The following ZCWPW2 variants were observed in gnomAD, a reference collection of about 807,000 sequenced individuals.
ZCWPW2 encodes the protein zinc finger CW-type PWWP domain protein 2.
Under a neutral mutation model 46.6 loss-of-function variants are expected in ZCWPW2, and 45 were observed. The observed-to-expected ratio is 0.96, with a 90% CI of 0.76 to 1.24. ZCWPW2 has a LOEUF of 1.24. ZCWPW2 is among the 50% of genes most tolerant of loss of function. The probability of loss-of-function intolerance (pLI) is 0.00; values close to 1 mark genes in which losing one functional copy is unlikely to be tolerated. For missense variants in ZCWPW2, 429 were observed against 403.9 expected (o/e 1.06, Z -0.53); for synonymous variants, 152 against 137.1 (o/e 1.11, Z -0.76).
chr3:28,434,865 A>C (rs1252413288), intron 3 of ZCWPW2, among the ~76,000 whole-genome samples: 1 of 152,130 alleles, frequency 6.6e-6, no homozygotes, highest in Admixed American at 6.6e-5. Context: ...TTGCTTTATA[A>C]TTCTTTCCTC....
At chr3:28,384,614 CTTTT>C (rs1172954946) in intron 1 of ZCWPW2, among the ~76,000 whole-genome samples, 2 of 139,394 alleles carry the variant, frequency 1.4e-5, no homozygotes, top group Non-Finnish European at 3.1e-5. Flanking sequence ...ATCTTTCTTT[CTTTT>C]TTTTTTTTTT....
intron 9 of ZCWPW2, among the ~76,000 whole-genome samples, chr3:28,521,991 C>G (rs1700737097): frequency 6.6e-6 from 1 of 152,138 alleles, no homozygotes; most frequent in African/African-American, 2.4e-5. Flanking sequence ...TCACTTACCT[C>G]AGAGGATTGT....
chr3:28,350,296 G>A (rs1308530356), intron 1 of ZCWPW2, among the ~76,000 whole-genome samples: 2 of 152,184 alleles, frequency 1.3e-5, no homozygotes, highest in African/African-American at 4.8e-5. Context: ...ATTTGAAGGT[G>A]TAGAAATATT....
At chr3:28,442,758 C>T (rs997870665) in intron 4 of ZCWPW2, among the ~76,000 whole-genome samples, 3 of 129,300 alleles carry the variant, frequency 2.3e-5, no homozygotes, top group African/African-American at 5.8e-5. Context: ...TTATGATAAT[C>T]CACTCTCCAA....
At chr3:28,487,953 C>G (rs1168787883) in intron 5 of ZCWPW2, among the ~76,000 whole-genome samples, 2 of 152,096 alleles carry the variant, frequency 1.3e-5, no homozygotes, top group Non-Finnish European at 2.9e-5. Flanking sequence ...AGGTTAGGCT[C>G]TGGTAAAATA....
At chr3:28,351,308 C>T (rs936624849) in intron 1 of ZCWPW2, among the ~76,000 whole-genome samples, 2 of 150,362 alleles carry the variant, frequency 1.3e-5, no homozygotes, top group Non-Finnish European at 3.0e-5. Flanking sequence ...TTTTCCACCC[C>T]CTACACCAAT....
intron 4 of ZCWPW2, among the ~76,000 whole-genome samples, chr3:28,471,443 G>T (rs1179755650): frequency 6.6e-6 from 1 of 152,116 alleles, no homozygotes; most frequent in African/African-American, 2.4e-5. Context: ...TGCAGGATTG[G>T]TTCAGCATAC....
chr3:28,513,587 T>G (rs940144251), intron 6 of ZCWPW2, among the ~76,000 whole-genome samples: 1 of 152,114 alleles, frequency 6.6e-6, no homozygotes, highest in Non-Finnish European at 1.5e-5. Flanking sequence ...TCAAAACATG[T>G]CACTTATCTT....
At chr3:28,431,181 A>C (rs571832453) in intron 3 of ZCWPW2, among the ~76,000 whole-genome samples, 8 of 152,044 alleles carry the variant, frequency 5.3e-5, no homozygotes, top group Non-Finnish European at 1.2e-4. Context: ...TTATCTAAAC[A>C]ATTTAGTTTA....
intron 2 of ZCWPW2, among the ~76,000 whole-genome samples, chr3:28,393,292 T>A (rs980397690): frequency 6.6e-6 from 1 of 152,136 alleles, no homozygotes; most frequent in African/African-American, 2.4e-5. Context: ...AGTAAGGAGT[T>A]TGAATCAGTA....
chr3:28,364,889 G>GTT (rs1705072637), intron 1 of ZCWPW2, among the ~76,000 whole-genome samples: 2 of 152,068 alleles, frequency 1.3e-5, no homozygotes, highest in Non-Finnish European at 2.9e-5. Flanking sequence ...TCTCACTGTG[G>GTT]TTTTGATTTG....
At chr3:28,380,101 G>A (rs983429866) in intron 1 of ZCWPW2, among the ~76,000 whole-genome samples, 1 of 151,986 alleles carries the variant, frequency 6.6e-6, no homozygotes, top group Non-Finnish European at 1.5e-5. Flanking sequence ...TCCTGCCTCA[G>A]CCTCCCGAGT....
intron 4 of ZCWPW2, chr3:28,448,051 C>A: frequency 6.0e-6 from 2 of 332,894 alleles, no homozygotes; most frequent in East Asian, 5.1e-5. Context: ...GTTTAAGGTA[C>A]AAACACAGAG....
chr3:28,423,470 C>T (rs1227938189), intron 3 of ZCWPW2, among the ~76,000 whole-genome samples: 1 of 150,908 alleles, frequency 6.6e-6, no homozygotes, highest in Non-Finnish European at 1.5e-5. Flanking sequence ...GGGTTCACGC[C>T]ATTCTCCTGT....
intron 4 of ZCWPW2, among the ~76,000 whole-genome samples, chr3:28,457,424 CA>C (rs991711236): frequency 6.6e-6 from 1 of 152,128 alleles, no homozygotes; most frequent in African/African-American, 2.4e-5. Flanking sequence ...AGTATACTAA[CA>C]TTTTTTTAGG....
chr3:28,436,323 C>CT (rs71087698), intron 4 of ZCWPW2, among the ~76,000 whole-genome samples: 32,341 of 116,882 alleles, frequency 0.28, 5,541 homozygotes, highest in African/African-American at 0.46. Context: ...TCTTTTTTTT[C>CT]TTTTTTTTTT....
At chr3:28,449,600 T>C (rs1698144597) in intron 4 of ZCWPW2, among the ~76,000 whole-genome samples, 1 of 152,116 alleles carries the variant, frequency 6.6e-6, no homozygotes, top group Non-Finnish European at 1.5e-5. Context: ...AGATAGAGGG[T>C]GGTGATGATT....
intron 4 of ZCWPW2, among the ~76,000 whole-genome samples, chr3:28,446,322 G>A (rs1418738123): frequency 6.6e-6 from 1 of 152,046 alleles, no homozygotes; most frequent in Non-Finnish European, 1.5e-5. Context: ...ATAAGGCAGA[G>A]TATTATCTCG....
intron 1 of ZCWPW2, among the ~76,000 whole-genome samples, chr3:28,382,003 A>G (rs1458412822): frequency 6.6e-6 from 1 of 151,952 alleles, no homozygotes; most frequent in African/African-American, 2.4e-5. Flanking sequence ...TCTCTACTAA[A>G]AATACAAAAT....
Sources: gnomAD v4.1 joint callset for allele counts (sites outside exome capture counted in the v4.1 genomes callset) on GRCh38, gnomAD v4.1.1 for gene constraint, MANE v1.5 for transcripts, NCBI Gene and HGNC (gene_info 2026-07-23, HGNC 2026-07-21) for gene names.